KCP: variants seen among roughly 807,000 people sequenced by gnomAD.
KCP encodes the protein kielin cysteine rich BMP regulator.
In KCP, 194 loss-of-function variants were observed where a neutral mutation model predicts 212.7. The ratio of observed to expected loss-of-function variants is 0.91; its 90% CI spans 0.81 to 1.03. The LOEUF is 1.03. Among genes scored for constraint, KCP ranks in the 50% least tolerant of loss-of-function variants. The pLI is 0.00. For synonymous variants in KCP, 833 were observed against 865.3 expected, an observed-to-expected ratio of 0.96 and a Z score of 0.65; for missense variants, 2,080 against 2,162.5, an observed-to-expected ratio of 0.96 and a Z score of 0.76.
chr7:128,888,539 CACATACAG>C (rs1563031080), intron 22 of KCP, among the ~76,000 whole-genome samples: 1 of 150,478 alleles, frequency 6.6e-6, no homozygotes, highest in Non-Finnish European at 1.5e-5. Context: ...CACACATACA[CACATACAG>C]CAACACATAC....
In KCP at chr7:128,890,334, G is replaced by A; in HGVS notation, c.2335+9C>T. On this transcript the variant is annotated intron_variant, in intron 21 of 39. Transcript: ENST00000610776. ...CCACCCCGGCAGCTCCCTATCCCAT[G>A]ACCCTCACCATCACAGTCAGGGCAG... The A allele has an allele frequency of 1.9e-6, 3 of 1,551,494 alleles. No homozygotes were observed. The South Asian group carries it at 3.6e-5, about 18-fold the overall frequency.
At chr7:128,902,160 G>A (rs1480306979) in intron 8 of KCP, among the ~76,000 whole-genome samples, 1 of 152,260 alleles carries the variant, frequency 6.6e-6, no homozygotes, top group East Asian at 1.9e-4. Context: ...CTCCCAAGGT[G>A]CTGGGATCAC....
At chr7:128,882,755 AAAACAAAC>A (rs10611826) in intron 29 of KCP, among the ~76,000 whole-genome samples, 12,138 of 151,708 alleles carry the variant, frequency 0.08, 857 homozygotes, top group African/African-American at 0.19. Flanking sequence ...ACCACCATAA[AAAACAAAC>A]AAACAAACAA....
At chr7:128,910,390 C>T (rs892970928) in intron 1 of KCP, among the ~76,000 whole-genome samples, 2 of 152,262 alleles carry the variant, frequency 1.3e-5, no homozygotes, top group Admixed American at 6.5e-5. Context: ...GCAGGAACCG[C>T]CCCCCTCTCC....
rs1563057062 is a variant in KCP at position 128,908,279 on chromosome 7, A to AAAGAAAGT, written c.219+146_219+147insACTTTCTT. 1.5e-4 allele frequency: 85 copies of AAAGAAAGT among 562,680 alleles called. No individual in the cohort carries two copies. In the African/African-American group the frequency reaches 1.6e-3, roughly 11 times the overall value. 34.9% of individuals were successfully genotyped at this position (562,680 alleles called of 1,614,324 possible). A position where few individuals can be genotyped will look rare whatever the true frequency, so the allele number is the denominator to read the frequency against. On this transcript the variant is annotated intron_variant, in intron 2 of 39. Coordinates refer to ENST00000610776, the MANE Select transcript of KCP (RefSeq NM_001366122.1). ...GAAAGAAAGAAAGAAAGAAAGAAAG[A>AAAGAAAGT]AAGAAAGAAAGAAAGAAAGAAAGAA...
At chr7:128,882,610 A>G (rs1406859587) in intron 29 of KCP, among the ~76,000 whole-genome samples, 1 of 152,118 alleles carries the variant, frequency 6.6e-6, no homozygotes, top group East Asian at 1.9e-4. Flanking sequence ...CTTCCCCTGA[A>G]GCACCCCCTA....
intron 28 of KCP, 116 bp from the exon 29 acceptor site, chr7:128,884,238 G>C: frequency 7.5e-7 from 1 of 1,331,232 alleles, no homozygotes; most frequent in Non-Finnish European, 1.0e-6. Flanking sequence ...GACATGTCTT[G>C]GGCCCTGAAC....
intron 5 of KCP, chr7:128,904,383 G>A: frequency 6.5e-7 from 1 of 1,549,484 alleles, no homozygotes; most frequent in Non-Finnish European, 8.7e-7. Context: ...GCTCCTGTCT[G>A]CAGGGCAGAC....
chr7:128,904,246 G>A (rs1243340681), intron 5 of KCP, 108 bp from the exon 6 acceptor site: 1 of 1,541,078 alleles, frequency 6.5e-7, no homozygotes, highest in Non-Finnish European at 8.8e-7. Context: ...TGGGGTTGAA[G>A]GGATGGCGGG....
intron 8 of KCP, among the ~76,000 whole-genome samples, chr7:128,896,767 T>C (rs960602978): frequency 1.3e-5 from 2 of 151,918 alleles, no homozygotes; most frequent in Non-Finnish European, 2.9e-5. Flanking sequence ...GGCACACGCC[T>C]GTAGTCCCAG....
intron 38 of KCP, among the ~76,000 whole-genome samples, chr7:128,878,179 C>A (rs1048485868): frequency 6.6e-6 from 1 of 151,970 alleles, no homozygotes; most frequent in Non-Finnish European, 1.5e-5. Flanking sequence ...GCCTCAGCCA[C>A]CCGAGTAGCT....
chr7:128,884,757 C>T, intron 28 of KCP, 24 bp downstream of exon 28: 1 of 1,549,606 alleles, frequency 6.5e-7, no homozygotes, highest in Non-Finnish European at 8.7e-7. Context: ...GGTGCCCCAG[C>T]CCCACCACTG....
At position 128,884,182 on chromosome 7, in the gene KCP, G is replaced by A. The variant is rs547230905; in HGVS notation, c.3124-60C>T. 2,034 of 1,497,722 alleles carry A rather than the reference G, an allele frequency of 1.4e-3. 38 individuals are homozygous for A. The South Asian group carries it at 0.021, about 16-fold the overall frequency. 92.8% of individuals were successfully genotyped at this position (1,497,722 alleles called of 1,614,324 possible). A position where few individuals can be genotyped will look rare whatever the true frequency, so the allele number is the denominator to read the frequency against. The stretch of plus-strand genomic sequence containing the variant: ...CCACAAAAACCCAGAGCTGCCCTTG[G>A]CCGGGACTTCCGGCCCCTCCCTCTG... On this transcript the variant is annotated intron_variant, in intron 28 of 39. Transcript: ENST00000610776.
intron 8 of KCP, among the ~76,000 whole-genome samples, chr7:128,897,043 C>T (rs547649773): frequency 6.6e-6 from 1 of 152,272 alleles, no homozygotes; most frequent in South Asian, 2.1e-4. Context: ...CCCTCCACTG[C>T]AAGCTGGGTG....
intron 3 of KCP, 31 bp downstream of exon 3, chr7:128,907,233 G>C: frequency 6.5e-7 from 1 of 1,537,252 alleles, no homozygotes; most frequent in South Asian, 1.2e-5. Flanking sequence ...GTCTTTAGGT[G>C]GCCCCAGTGG....
At chr7:128,881,481 C>T (rs1384373100) in intron 31 of KCP, 145 bp downstream of exon 31, 5 of 555,694 alleles carry the variant, frequency 9.0e-6, no homozygotes, top group Middle Eastern at 9.1e-4. Context: ...AGCCCCCCTC[C>T]ATTTCTAGAA....
rs574511814 is a variant in KCP at position 128,879,169 on chromosome 7, T to C, written c.4146+353A>G. The C allele has an allele frequency of 2.0e-5, 7 of 354,838 alleles. No individual in the cohort carries two copies. In the South Asian group the frequency reaches 3.7e-4, roughly 19 times the overall value. The allele number at this position is 354,838 out of a possible 1,614,324, so 22.0% of individuals were successfully genotyped here. Reference sequence around the variant, plus strand: ...GGCAAATTACTCTTCCACATGAGAGTTGGAAGGAACCTGAGACACCCCCCC... The same window carrying C: ...GGCAAATTACTCTTCCACATGAGAGCTGGAAGGAACCTGAGACACCCCCCC... On this transcript the variant is annotated intron_variant, in intron 37 of 39. Transcript: ENST00000610776.
chr7:128,889,088 A>C, intron 21 of KCP, 49 bp from the exon 22 acceptor site: 1 of 1,384,520 alleles, frequency 7.2e-7, no homozygotes, highest in African/African-American at 1.5e-5. Flanking sequence ...GAAAGGGATG[A>C]GAGGGCAGTG....
chr7:128,910,516 G>T, intron 1 of KCP, 85 bp downstream of exon 1: 2 of 1,251,400 alleles, frequency 1.6e-6, no homozygotes, highest in Non-Finnish European at 2.2e-6. Flanking sequence ...AGAGCCCCCA[G>T]CCCCTCTCGG....
Sources: allele counts gnomAD v4.1 joint callset (sites outside exome capture counted in the v4.1 genomes callset), GRCh38; gene constraint gnomAD v4.1.1; transcripts MANE v1.5; gene names NCBI Gene and HGNC (gene_info 2026-07-23, HGNC 2026-07-21).